The following PTPRK variants were observed in gnomAD, a reference collection of about 807,000 sequenced individuals.
The protein encoded by PTPRK is receptor-type tyrosine-protein phosphatase kappa.
PTPRK carries 75 observed loss-of-function variants against 178.0 expected under a neutral mutation model. The observed-to-expected ratio is 0.42, with a 90% confidence interval of 0.35 to 0.51. The LOEUF is 0.51. PTPRK is among the 20% of genes least tolerant of loss of function. The pLI, the probability that PTPRK is intolerant of heterozygous loss-of-function variation, is 0.02. For synonymous variants in PTPRK, 637 were observed against 620.6 expected (o/e 1.03, Z -0.39); for missense variants, 1,441 against 1,797.8 (o/e 0.80, Z 3.59).
chr6:128,014,348 A>G (rs1779366362), intron 13 of PTPRK, among the ~76,000 whole-genome samples: 2 of 151,668 alleles, frequency 1.3e-5, no homozygotes, highest in African/African-American at 4.8e-5. Context: ...CTGAAAGCAC[A>G]AGGGATTGGA....
intron 13 of PTPRK, among the ~76,000 whole-genome samples, chr6:128,027,461 G>T (rs1224921414): frequency 6.6e-6 from 1 of 152,030 alleles, no homozygotes; most frequent in Non-Finnish European, 1.5e-5. Flanking sequence ...GTGCCTAAAA[G>T]TCAAACTGAC....
chr6:128,089,679 T>G lies in PTPRK; in HGVS notation c.1465+11A>C. 5 of 1,595,078 alleles carry G rather than the reference T, an allele frequency of 3.1e-6. No individual in the cohort carries two copies. Among genetic ancestry groups the G allele is most frequent in the African/African-American group, 1.3e-5 (1 of 74,594 alleles). On this transcript the variant is annotated intron_variant, in intron 8 of 29. Coordinates refer to ENST00000368226, the MANE Select transcript of PTPRK (RefSeq NM_002844.4). ...AATTCCCCCCTTTTAAACAGCAAAG[T>G]ATGAGCATACCATCTTCATCAGTTT...
Position 128,495,398 on chromosome 6 carries a change from A to T in PTPRK, c.100+24861T>A, listed in dbSNP as rs11966955. On this transcript the variant is annotated intron_variant, in intron 1 of 29. Coordinates refer to ENST00000368226, the MANE Select transcript of PTPRK (RefSeq NM_002844.4). The stretch of plus-strand genomic sequence containing the variant: ...TGTTGCCTAAAAAAGGAATTATGTG[A>T]ACTGTAAGGAAAAGGTAATATGCAA... 3.3e-3 allele frequency among the ~76,000 whole-genome samples: 507 copies of T among 152,332 alleles called. 3 individuals carry two copies. Among genetic ancestry groups the T allele is most frequent in the African/African-American group, 0.012 (488 of 41,568 alleles).
intron 7 of PTPRK, among the ~76,000 whole-genome samples, chr6:128,094,530 G>A (rs539639568): frequency 7.0e-4 from 107 of 152,252 alleles, no homozygotes; most frequent in African/African-American, 2.5e-3. Context: ...TAAATGAACA[G>A]AGAAAGTTCA....
At chr6:128,398,250 C>A (rs1206275422) in intron 1 of PTPRK, among the ~76,000 whole-genome samples, 7 of 152,082 alleles carry the variant, frequency 4.6e-5, no homozygotes, top group Non-Finnish European at 8.8e-5. Flanking sequence ...AGTGGTGGCC[C>A]GCAATCAACA....
At chr6:128,302,013 A>T (rs1335247339) in intron 3 of PTPRK, among the ~76,000 whole-genome samples, 1 of 152,202 alleles carries the variant, frequency 6.6e-6, no homozygotes, top group East Asian at 1.9e-4. Flanking sequence ...ACTTTATCTT[A>T]AGTTCCCGAG....
At chr6:128,131,718 G>GT (rs1324280479) in intron 7 of PTPRK, among the ~76,000 whole-genome samples, 1 of 152,074 alleles carries the variant, frequency 6.6e-6, no homozygotes, top group Admixed American at 6.6e-5. Flanking sequence ...TTTAAAAGGG[G>GT]TATCTCCAAA....
chr6:128,411,518 A>C lies in PTPRK; in HGVS notation c.101-13830T>G, dbSNP rs151076796. Among the ~76,000 whole-genome samples, 6 of 152,298 alleles carry C rather than the reference A, an allele frequency of 3.9e-5. 1 individual carries two copies. The highest frequency in any genetic ancestry group is 1.4e-4 in the African/African-American group (6 of 41,576). On this transcript the variant is annotated intron_variant, in intron 1 of 29. Coordinates refer to ENST00000368226, the MANE Select transcript of PTPRK (RefSeq NM_002844.4). ...TTCAATGATCAAATCTATTCTCTACATATTGACAGCTTCAAGCAGATATAA... is the reference window on the plus strand; with the variant it reads ...TTCAATGATCAAATCTATTCTCTACCTATTGACAGCTTCAAGCAGATATAA...
intron 1 of PTPRK, among the ~76,000 whole-genome samples, chr6:128,517,006 G>T (rs1176653290): frequency 6.6e-6 from 1 of 151,090 alleles, no homozygotes; most frequent in African/African-American, 2.4e-5. Flanking sequence ...GGCCAATCTA[G>T]TATGTTTATG....
At chr6:128,000,844 T>G (rs943403795) in intron 15 of PTPRK, among the ~76,000 whole-genome samples, 11 of 151,980 alleles carry the variant, frequency 7.2e-5, no homozygotes, top group Non-Finnish European at 1.0e-4. Context: ...CAGAGCTCAC[T>G]TTTACCTGCT....
intron 2 of PTPRK, among the ~76,000 whole-genome samples, chr6:128,395,691 A>G (rs558180057): frequency 6.6e-6 from 1 of 152,294 alleles, no homozygotes; most frequent in South Asian, 2.1e-4. Context: ...ATACCTTTGA[A>G]AGAAAAAATA....
At chr6:128,112,191 T>A (rs1039724272) in intron 7 of PTPRK, among the ~76,000 whole-genome samples, 4 of 152,138 alleles carry the variant, frequency 2.6e-5, no homozygotes, top group Admixed American at 2.6e-4. Flanking sequence ...CTTTTTACTA[T>A]AGCATTCTTA....
At chr6:128,461,101 A>G (rs1160098064) in intron 1 of PTPRK, among the ~76,000 whole-genome samples, 1 of 152,184 alleles carries the variant, frequency 6.6e-6, no homozygotes, top group Non-Finnish European at 1.5e-5. Flanking sequence ...GGACCAATTT[A>G]ATCGAAGTGT....
intron 1 of PTPRK, among the ~76,000 whole-genome samples, chr6:128,484,050 A>C (rs1240182275): frequency 6.6e-6 from 1 of 152,018 alleles, no homozygotes; most frequent in Non-Finnish European, 1.5e-5. Context: ...TCAGAAACAT[A>C]TCCTAGCTAC....
At chr6:128,409,119 G>C (rs941029278) in intron 1 of PTPRK, among the ~76,000 whole-genome samples, 1 of 152,194 alleles carries the variant, frequency 6.6e-6, no homozygotes, top group Non-Finnish European at 1.5e-5. Flanking sequence ...TAGCAATTTA[G>C]TGGATTAAGA....
At chr6:128,263,669 T>C (rs1818507966) in intron 3 of PTPRK, among the ~76,000 whole-genome samples, 1 of 152,202 alleles carries the variant, frequency 6.6e-6, no homozygotes. Context: ...CATAATATAA[T>C]TAGTAATGAT....
chr6:128,464,639 A>ATATATG (rs1554271854), intron 1 of PTPRK, among the ~76,000 whole-genome samples: 3 of 4,498 alleles, frequency 6.7e-4, no homozygotes, highest in Non-Finnish European at 1.3e-3. Context: ...ATATATACAC[A>ATATATG]TATATATATA....
intron 20 of PTPRK, 127 bp from the exon 21 acceptor site, chr6:127,991,012 A>T: frequency 1.5e-6 from 1 of 647,714 alleles, no homozygotes; most frequent in Admixed American, 2.8e-5. Context: ...AATGAGAAAA[A>T]AATCTATTAT....
chr6:128,095,243 C>A (rs1787722215), intron 7 of PTPRK, among the ~76,000 whole-genome samples: 1 of 152,102 alleles, frequency 6.6e-6, no homozygotes, highest in African/African-American at 2.4e-5. Context: ...CTTCACTATT[C>A]CCTGTTGTAT....
Sources: gnomAD v4.1 joint callset for allele counts (sites outside exome capture counted in the v4.1 genomes callset) on GRCh38, gnomAD v4.1.1 for gene constraint, MANE v1.5 for transcripts, NCBI Gene and HGNC (gene_info 2026-07-23, HGNC 2026-07-21) for gene names.